SVEP1: variants seen among roughly 807,000 people sequenced by gnomAD.
SVEP1 encodes sushi, von Willebrand factor type A, EGF and pentraxin domain containing 1.
Under a neutral mutation model 367.3 loss-of-function variants are expected in SVEP1, and 164 were observed. The observed-to-expected ratio is 0.45, with a 90% CI of 0.39 to 0.51. The LOEUF (loss-of-function observed/expected upper bound fraction) is 0.51. SVEP1 is among the 20% of genes least tolerant of loss of function. SVEP1 has a pLI of 0.00. For synonymous variants in SVEP1, 1,666 were observed against 1,611.6 expected, an observed-to-expected ratio of 1.03 and a Z score of -0.81; for missense variants, 4,117 against 4,425.3, an observed-to-expected ratio of 0.93 and a Z score of 1.98.
At chr9:110,369,886 C>A in intron 47 of SVEP1, 37 bp downstream of exon 47, 1 of 1,563,372 alleles carries the variant, frequency 6.4e-7, no homozygotes. Context: ...TTAGAGTCTT[C>A]ATGTTATAGG....
In SVEP1 at chr9:110,408,544, C is replaced by T. The variant is rs772156091; in HGVS notation, c.7056G>A (p.Gly2352=). ...VGVVTFSCKE[G]HVLQGPSVLK... is the part of the protein sequence containing the mutation. ...GGACAGAGGGGCCTTGCAGGACATG[C>T]CCTTCTTTACAGGAAAATGTCACAA... The change falls in exon 38 of 48, where the codon GGG becomes GGA. Residue 2352 remains glycine (G), a synonymous_variant. Coordinates refer to ENST00000374469, the MANE Select transcript of SVEP1 (RefSeq NM_153366.4). 1.4e-5 allele frequency: 22 copies of T among 1,613,760 alleles called. No homozygotes were observed. The African/African-American group carries it at 2.7e-4, about 20-fold the overall frequency.
chr9:110,377,163 G>T, intron 45 of SVEP1, 108 bp downstream of exon 45: 1 of 951,754 alleles, frequency 1.1e-6, no homozygotes, highest in Non-Finnish European at 1.6e-6. Flanking sequence ...AGGACTTACA[G>T]CAAATGAATT....
chr9:110,503,520 C>A (rs1021431136), intron 5 of SVEP1, among the ~76,000 whole-genome samples: 3 of 152,140 alleles, frequency 2.0e-5, no homozygotes, highest in African/African-American at 7.2e-5. Flanking sequence ...GAGGTGATCA[C>A]AAAAGGGAGG....
intron 5 of SVEP1, among the ~76,000 whole-genome samples, chr9:110,510,591 G>C (rs975489194): frequency 6.6e-6 from 1 of 152,198 alleles, no homozygotes. Flanking sequence ...CCGGCTTCCT[G>C]AGAGAGCATG....
At chr9:110,455,531 G>A in intron 22 of SVEP1, 59 bp downstream of exon 22, 2 of 1,271,598 alleles carry the variant, frequency 1.6e-6, no homozygotes, top group East Asian at 2.4e-5. Flanking sequence ...TTATCTCAGT[G>A]ATGAAATGTT....
At chr9:110,481,699 G>C (rs747273326) in intron 11 of SVEP1, among the ~76,000 whole-genome samples, 3 of 150,978 alleles carry the variant, frequency 2.0e-5, no homozygotes, top group Non-Finnish European at 4.4e-5. Context: ...CTGACTTGGA[G>C]TTATTATTAT....
chr9:110,465,921 C>T lies in SVEP1; in HGVS notation c.3266G>A (p.Cys1089Tyr). Residue 1089 changes from cysteine (C) to tyrosine (Y), a missense_variant, in exon 18 of 48, where the codon TGT becomes TAT. Around this residue, in one of 4 missense-constraint regions of SVEP1, gnomAD observed 2,174 missense variants for 2,494.3 expected, o/e 0.87. Coordinates refer to ENST00000374469, the MANE Select transcript of SVEP1 (RefSeq NM_153366.4). ...PKFGSRSCLS[C>Y]PENTSTVKRG... The stretch of plus-strand genomic sequence containing the variant: ...TTTCACAGTTGAGGTGTTTTCTGGA[C>T]ACGAGAGGCAGCTCCGGGAACCAAA... The T allele has an allele frequency of 6.2e-7, 1 of 1,612,850 alleles. No homozygotes were observed. Among genetic ancestry groups the T allele is most frequent in the Non-Finnish European group, 8.5e-7 (1 of 1,179,442 alleles).
intron 22 of SVEP1, among the ~76,000 whole-genome samples, chr9:110,454,620 T>C (rs1048636876): frequency 1.3e-5 from 2 of 152,214 alleles, no homozygotes; most frequent in African/African-American, 4.8e-5. Context: ...TCGAATATTA[T>C]GTAGTCATAA....
At position 110,379,385 on chromosome 9, in the gene SVEP1, A is replaced by G. The variant is rs201801228; in HGVS notation, c.10370T>C (p.Leu3457Ser). 25 of 1,613,794 alleles carry G rather than the reference A, an allele frequency of 1.5e-5. No individual in the cohort carries two copies. In the East Asian group the frequency reaches 4.7e-4, roughly 30 times the overall value. Residue 3457 changes from leucine (L) to serine (S), a missense_variant, in exon 44 of 48, where the codon TTA becomes TCA. Leu to Ser is a moderately radical substitution (Grantham distance 145, BLOSUM62 -2). This residue lies in a region of SVEP1 where 1,765 missense variants were observed against 1,781.1 expected (regional missense o/e 0.99). Coordinates refer to ENST00000374469, the MANE Select transcript of SVEP1 (RefSeq NM_153366.4). ...AGGTGATGTCCATGTTCCATTTTCT[A>G]AACAAACACTCCTCAGGAAACCCTC... ...MLEGFLRSVC[L>S]ENGTWTSPPI...
intron 1 of SVEP1, among the ~76,000 whole-genome samples, chr9:110,559,066 C>A (rs1329263975): frequency 6.6e-6 from 1 of 151,990 alleles, no homozygotes; most frequent in Non-Finnish European, 1.5e-5. Flanking sequence ...GATAGATTAT[C>A]TATCTCAAAA....
chr9:110,579,473 A>G lies in SVEP1; in HGVS notation c.71T>C (p.Met24Thr). ...LVSGWATFQQ[M>T]SPSRNFSFRL... is the part of the protein sequence containing the mutation. ...GAAGCTGAAATTGCGCGACGGGGAC[A>G]TCTGCTGAAAGGTCGCCCAGCCCGA... Residue 24 changes from methionine to threonine, a missense_variant, in exon 1 of 48, where the codon ATG (methionine) becomes ACG (threonine). Met to Thr is a moderately conservative substitution (Grantham distance 81). This residue lies in a region of SVEP1 where 161 missense variants were observed against 122.4 expected (regional missense o/e 1.32). Coordinates refer to ENST00000374469, the MANE Select transcript of SVEP1 (RefSeq NM_153366.4). The surrounding 1 kb of genome is among the most constrained non-coding windows in gnomAD (Gnocchi z 5.3). The G allele has an allele frequency of 6.2e-7, 1 of 1,604,350 alleles. No homozygotes were observed. Among genetic ancestry groups the G allele is most frequent in the South Asian group, 1.1e-5 (1 of 89,552 alleles).
At chr9:110,552,024 C>CTTTTTTTTTT (rs34366561) in intron 1 of SVEP1, among the ~76,000 whole-genome samples, 2 of 77,006 alleles carry the variant, frequency 2.6e-5, no homozygotes, top group African/African-American at 5.0e-5. Context: ...GGTACCCAAC[C>CTTTTTTTTTT]TTTTTTTTTT....
chr9:110,469,312 G>A (rs1178534730), intron 16 of SVEP1, among the ~76,000 whole-genome samples: 2 of 152,108 alleles, frequency 1.3e-5, no homozygotes, highest in African/African-American at 4.8e-5. Context: ...ATTTTTTAAA[G>A]ATAAAGCAAA....
intron 14 of SVEP1, chr9:110,475,924 T>C (rs1036602251): frequency 3.3e-6 from 1 of 305,422 alleles, no homozygotes; most frequent in African/African-American, 2.2e-5. Flanking sequence ...TCTTTTAGGA[T>C]ACATCAACAT....
At chr9:110,429,825 G>C in intron 34 of SVEP1, 95 bp downstream of exon 34, 1 of 976,122 alleles carries the variant, frequency 1.0e-6, no homozygotes, top group Non-Finnish European at 1.6e-6. Context: ...AATGTCCTCT[G>C]CAATTATTTT....
At chr9:110,566,771 G>C (rs1018054277) in intron 1 of SVEP1, among the ~76,000 whole-genome samples, 2 of 152,214 alleles carry the variant, frequency 1.3e-5, no homozygotes, top group African/African-American at 4.8e-5. Context: ...AAGGGCAGTT[G>C]TGACAGCGAT....
intron 39 of SVEP1, 40 bp downstream of exon 39, chr9:110,404,287 T>C (rs756585599): frequency 2.5e-6 from 4 of 1,583,762 alleles, no homozygotes; most frequent in Non-Finnish European, 2.6e-6. Context: ...AATATATGTA[T>C]ATGTAGGCAT....
At chr9:110,430,102 GTTTTC>G (rs1828327512) in intron 33 of SVEP1, 98 bp from the exon 34 acceptor site, 10 of 1,163,170 alleles carry the variant, frequency 8.6e-6, no homozygotes, top group Middle Eastern at 2.9e-4. Flanking sequence ...TTGTTTGTTT[GTTTTC>G]TTTTTTTTTT....
intron 39 of SVEP1, 71 bp from the exon 40 acceptor site, chr9:110,401,080 A>C: frequency 6.4e-7 from 1 of 1,564,510 alleles, no homozygotes; most frequent in Non-Finnish European, 8.7e-7. Context: ...ATTTGCAAAT[A>C]TTGGTTATTT....
Sources: gnomAD v4.1 joint callset for allele counts (sites outside exome capture counted in the v4.1 genomes callset) on GRCh38, gnomAD v4.1.1 for gene constraint, gnomAD v4.1.1 regional missense constraint, Gnocchi (gnomAD v3.1) non-coding constraint, MANE v1.5 for transcripts, NCBI Gene and HGNC (gene_info 2026-07-23, HGNC 2026-07-21) for gene names.